KCNMB2: variants seen among roughly 807,000 people sequenced by gnomAD.
The protein encoded by KCNMB2 is calcium-activated potassium channel subunit beta-2.
A neutral mutation model predicts 24.5 loss-of-function variants in KCNMB2; 9 were observed. The observed-to-expected ratio is 0.37, with a 90% CI of 0.22 to 0.64. KCNMB2 has a LOEUF of 0.64. KCNMB2 is among the 30% of genes least tolerant of loss of function. The pLI, the probability that KCNMB2 is intolerant of heterozygous loss-of-function variation, is 0.63. For missense variants in KCNMB2, 226 were observed against 284.3 expected, an observed-to-expected ratio of 0.79 and a Z score of 1.47; for synonymous variants, 109 against 104.4, an observed-to-expected ratio of 1.04 and a Z score of -0.27.
intron 1 of KCNMB2, among the ~76,000 whole-genome samples, chr3:178,584,695 G>A (rs1349571584): frequency 7.2e-6 from 1 of 138,508 alleles, no homozygotes; most frequent in Non-Finnish European, 1.5e-5. Flanking sequence ...TAATAAAATG[G>A]AATAAAGAAA....
intron 1 of KCNMB2, among the ~76,000 whole-genome samples, chr3:178,769,426 T>C (rs765265634): frequency 3.0e-4 from 46 of 152,258 alleles, no homozygotes; most frequent in Middle Eastern, 3.4e-3. Flanking sequence ...GATCCAGCTG[T>C]TGACACTCAA....
chr3:178,842,566 A>C, intron 4 of KCNMB2, 87 bp from the exon 5 acceptor site: 1 of 848,682 alleles, frequency 1.2e-6, no homozygotes, highest in Non-Finnish European at 1.9e-6. Context: ...TTCACAGATC[A>C]CTAATTTGGA....
chr3:178,678,719 G>T lies in KCNMB2; in HGVS notation c.-67-128624G>T, dbSNP rs9830098. Among the ~76,000 whole-genome samples the T allele has an allele frequency of 6.9e-3, 1,056 of 152,326 alleles. 12 individuals are homozygous for T. Among genetic ancestry groups the T allele is most frequent in the African/African-American group, 0.024 (990 of 41,572 alleles). ...ACAGAAAGATATGGAAACATTTTCT[G>T]TATTCAATGGGCAAAGCATGCCAGT... On this transcript the variant is annotated intron_variant, in intron 1 of 4. Transcript: ENST00000452583.
intron 1 of KCNMB2, among the ~76,000 whole-genome samples, chr3:178,755,956 G>T (rs1724018576): frequency 1.3e-5 from 2 of 152,140 alleles, no homozygotes; most frequent in South Asian, 4.1e-4. Flanking sequence ...ACAATACTCA[G>T]TTGAGGTCAG....
At chr3:178,543,225 C>T (rs1715678046) in intron 1 of KCNMB2, among the ~76,000 whole-genome samples, 1 of 152,264 alleles carries the variant, frequency 6.6e-6, no homozygotes, top group African/African-American at 2.4e-5. Flanking sequence ...TTGCTCACTG[C>T]TTATTAGGCC....
rs1560009387 is a variant in KCNMB2 at position 178,759,651 on chromosome 3, A to ATATCTC, written c.-67-47691_-67-47690insATCTCT. Among the ~76,000 whole-genome samples, 339 of 102,740 alleles carry ATATCTC rather than the reference A, an allele frequency of 3.3e-3. 27 individuals are homozygous for ATATCTC. Among genetic ancestry groups the ATATCTC allele is most frequent in the African/African-American group, 0.011 (315 of 27,744 alleles). The allele number at this position is 102,740 out of a possible 152,430, so 67.4% of individuals were successfully genotyped here. ...TCTCCAAGAGGATATATATATATAT[A>ATATCTC]TCTCCAAGAGGGATATATATATATA... On this transcript the variant is annotated intron_variant, in intron 1 of 4. Coordinates refer to ENST00000452583, the MANE Select transcript of KCNMB2 (RefSeq NM_181361.3).
At chr3:178,786,921 G>A (rs943916152) in intron 1 of KCNMB2, among the ~76,000 whole-genome samples, 17 of 151,644 alleles carry the variant, frequency 1.1e-4, no homozygotes, top group Non-Finnish European at 1.9e-4. Context: ...ATAAGTTGCA[G>A]GAACAGACCT....
intron 1 of KCNMB2, among the ~76,000 whole-genome samples, chr3:178,691,914 T>G (rs551645228): frequency 6.6e-6 from 1 of 152,262 alleles, no homozygotes; most frequent in African/African-American, 2.4e-5. Flanking sequence ...CACCAGCACC[T>G]GTTATTTTTT....
chr3:178,704,432 T>C (rs931702949), intron 1 of KCNMB2, among the ~76,000 whole-genome samples: 4 of 152,162 alleles, frequency 2.6e-5, no homozygotes, highest in African/African-American at 9.7e-5. Flanking sequence ...CAAACAAGGC[T>C]AAATTAATTA....
chr3:178,674,487 A>G (rs1398891678), intron 1 of KCNMB2, among the ~76,000 whole-genome samples: 2 of 152,188 alleles, frequency 1.3e-5, no homozygotes, highest in Non-Finnish European at 2.9e-5. Context: ...CTCATTCCCT[A>G]CATCTAATCC....
intron 4 of KCNMB2, among the ~76,000 whole-genome samples, chr3:178,841,041 ACAT>A (rs1715409510): frequency 6.6e-6 from 1 of 152,258 alleles, no homozygotes; most frequent in African/African-American, 2.4e-5. Flanking sequence ...ATGTAACTGC[ACAT>A]TTCAAGAAAA....
chr3:178,759,959 G>T lies in KCNMB2; in HGVS notation c.-67-47384G>T, dbSNP rs866860136. On this transcript the variant is annotated intron_variant, in intron 1 of 4. Transcript: ENST00000452583. Reference sequence around the variant, plus strand: ...ATCTATATATATATATATCCAAGAGGATATATATATATATATATATATCCA... The same window carrying T: ...ATCTATATATATATATATCCAAGAGTATATATATATATATATATATATCCA... Among the ~76,000 whole-genome samples the T allele has an allele frequency of 2.6e-4, 2 of 7,580 alleles. 1 individual carries two copies. Among genetic ancestry groups the T allele is most frequent in the East Asian group, 4.1e-3 (2 of 488 alleles). The allele number at this position is 7,580 out of a possible 152,430, so 5.0% of individuals were successfully genotyped here.
At chr3:178,834,957 C>T (rs566545186) in intron 4 of KCNMB2, among the ~76,000 whole-genome samples, 6 of 151,750 alleles carry the variant, frequency 4.0e-5, no homozygotes, top group Non-Finnish European at 8.8e-5. Flanking sequence ...GACAGAGGGC[C>T]ATGGTGAAGA....
rs115542156 is a variant in KCNMB2, at chr3:178,807,537, A to G, written c.56+72A>G. 6.0e-4 allele frequency: 780 copies of G among 1,301,038 alleles called. 4 individuals carry two copies. In the African/African-American group the frequency reaches 0.01, roughly 17 times the overall value. 80.6% of individuals were successfully genotyped at this position (1,301,038 alleles called of 1,614,324 possible). On this transcript the variant is annotated intron_variant, in intron 2 of 4. Transcript: ENST00000452583. ...ACTCTCCAAAGAGGATACTGACAGGAAAGTAGTAGGCAACTGAGCCTTATG... is the reference window on the plus strand; with the variant it reads ...ACTCTCCAAAGAGGATACTGACAGGGAAGTAGTAGGCAACTGAGCCTTATG...
At position 178,833,223 on chromosome 3, in the gene KCNMB2, G is replaced by A. The variant is rs1577223417; in HGVS notation, c.423+4850G>A. 4.6e-5 allele frequency among the ~76,000 whole-genome samples: 7 copies of A among 152,192 alleles called. No individual in the cohort carries two copies. In the East Asian group the frequency reaches 1.4e-3, roughly 29 times the overall value. On this transcript the variant is annotated intron_variant, in intron 4 of 4. Transcript: ENST00000452583. ...TCAGAATCCCAACCCAAAGTGAATAGGGGAATTATCAAGACCCCAGCTTGA... is the reference window on the plus strand; with the variant it reads ...TCAGAATCCCAACCCAAAGTGAATAAGGGAATTATCAAGACCCCAGCTTGA...
chr3:178,701,148 G>C (rs1290279934), intron 1 of KCNMB2, among the ~76,000 whole-genome samples: 1 of 152,186 alleles, frequency 6.6e-6, no homozygotes, highest in Admixed American at 6.5e-5. Flanking sequence ...GTGTAAGAAA[G>C]GGATCCAGTT....
rs1718620687 is a variant in KCNMB2, at chr3:178,614,297, GTA to G, written c.-68+77588_-68+77589del. On this transcript the variant is annotated intron_variant, in intron 1 of 4. Transcript: ENST00000452583. ...TATATATATATATATATATATATAT[GTA>G]TGTATATATATGTATGTGTATATAT... Among the ~76,000 whole-genome samples, 14 of 54,594 alleles carry G rather than the reference GTA, an allele frequency of 2.6e-4. 1 individual carries two copies. Among genetic ancestry groups the G allele is most frequent in the Non-Finnish European group, 4.4e-4 (12 of 27,284 alleles). 35.8% of individuals were successfully genotyped at this position (54,594 alleles called of 152,430 possible).
Position 178,759,418 on chromosome 3 carries a change from TA to T in KCNMB2, c.-67-47924del, listed in dbSNP as rs1438472625. On this transcript the variant is annotated intron_variant, in intron 1 of 4. Transcript: ENST00000452583. ...CTCCAAGAGGATATATATATATATATATATCTCTCCAAGAGGATATATATAT... is the reference window on the plus strand; with the variant it reads ...CTCCAAGAGGATATATATATATATATTATCTCTCCAAGAGGATATATATAT... Among the ~76,000 whole-genome samples the T allele has an allele frequency of 7.6e-3, 190 of 24,878 alleles. 50 individuals are homozygous for T. The African/African-American group carries it at 0.12, about 15-fold the overall frequency. 16.3% of individuals were successfully genotyped at this position (24,878 alleles called of 152,430 possible).
At chr3:178,614,185 A>G (rs1166714808) in intron 1 of KCNMB2, among the ~76,000 whole-genome samples, 5 of 136,698 alleles carry the variant, frequency 3.7e-5, no homozygotes, top group Admixed American at 7.7e-5. Context: ...TGTTAAATTT[A>G]TCTTATAGTA....
Sources: gnomAD v4.1 joint callset for allele counts (sites outside exome capture counted in the v4.1 genomes callset) on GRCh38, gnomAD v4.1.1 for gene constraint, MANE v1.5 for transcripts, NCBI Gene and HGNC (gene_info 2026-07-23, HGNC 2026-07-21) for gene names.